The following PDE3A variants were observed in gnomAD, a reference collection of about 807,000 sequenced individuals.
PDE3A encodes cGMP-inhibited 3',5'-cyclic phosphodiesterase 3A.
In PDE3A, 43 loss-of-function variants were observed where a neutral mutation model predicts 98.3. The observed-to-expected ratio is 0.44, with a 90% CI of 0.34 to 0.56. The LOEUF is 0.56. Ranked by LOEUF, PDE3A falls within the 20% of genes least tolerant of loss-of-function variation. PDE3A has a pLI of 0.01. For missense variants in PDE3A, 1,427 were observed against 1,440.7 expected, an observed-to-expected ratio of 0.99 and a Z score of 0.15; for synonymous variants, 663 against 567.9, an observed-to-expected ratio of 1.17 and a Z score of -2.38.
At chr12:20,491,244 A>T (rs1156852236) in intron 1 of PDE3A, among the ~76,000 whole-genome samples, 3 of 152,200 alleles carry the variant, frequency 2.0e-5, no homozygotes, top group Non-Finnish European at 4.4e-5. Flanking sequence ...TGCAGGCTTT[A>T]TTGATGGCAT....
At chr12:20,565,867 C>G (rs905387869) in intron 2 of PDE3A, among the ~76,000 whole-genome samples, 1 of 151,846 alleles carries the variant, frequency 6.6e-6, no homozygotes, top group African/African-American at 2.4e-5. Flanking sequence ...TTTACAGCCA[C>G]TCTAGGGAAC....
chr12:20,490,873 G>T (rs1945814367), intron 1 of PDE3A, among the ~76,000 whole-genome samples: 1 of 152,074 alleles, frequency 6.6e-6, no homozygotes, highest in African/African-American at 2.4e-5. Flanking sequence ...TTATTTGGGA[G>T]GCCCAGGATC....
intron 1 of PDE3A, among the ~76,000 whole-genome samples, chr12:20,525,906 T>C (rs1417039612): frequency 2.0e-5 from 3 of 152,210 alleles, no homozygotes; most frequent in Non-Finnish European, 4.4e-5. Context: ...GAAAAATTTC[T>C]TACTTGGAGA....
intron 1 of PDE3A, among the ~76,000 whole-genome samples, chr12:20,431,131 T>G (rs1286898896): frequency 6.6e-6 from 1 of 152,172 alleles, no homozygotes; most frequent in Non-Finnish European, 1.5e-5. Context: ...AATATCAAGT[T>G]TACATATTTA....
At chr12:20,646,186 T>A (rs1216520236) in intron 10 of PDE3A, among the ~76,000 whole-genome samples, 1 of 152,178 alleles carries the variant, frequency 6.6e-6, no homozygotes, top group African/African-American at 2.4e-5. Context: ...AGAGTAAACA[T>A]TACACTTTTT....
intron 15 of PDE3A, among the ~76,000 whole-genome samples, chr12:20,656,538 T>G (rs1311743083): frequency 6.6e-6 from 1 of 152,256 alleles, no homozygotes; most frequent in East Asian, 1.9e-4. Flanking sequence ...AGACTTCCAT[T>G]AGAAAATTTG....
chr12:20,678,320 C>A (rs1294973716), intron 15 of PDE3A, among the ~76,000 whole-genome samples: 2 of 152,074 alleles, frequency 1.3e-5, no homozygotes, highest in Admixed American at 6.6e-5. Context: ...TGTAATTTCT[C>A]TGTTGAATTC....
At chr12:20,523,761 A>C (rs1018543905) in intron 1 of PDE3A, among the ~76,000 whole-genome samples, 4 of 152,232 alleles carry the variant, frequency 2.6e-5, no homozygotes, top group African/African-American at 9.6e-5. Context: ...GTAGGAATGT[A>C]TCACTTAAAG....
At chr12:20,612,340 T>C (rs1943879376) in intron 2 of PDE3A, among the ~76,000 whole-genome samples, 1 of 151,688 alleles carries the variant, frequency 6.6e-6, no homozygotes, top group Non-Finnish European at 1.5e-5. Context: ...TTAGAAGCTC[T>C]CTGTTTGGAT....
At chr12:20,665,542 G>A (rs10770690) in intron 15 of PDE3A, among the ~76,000 whole-genome samples, 103,215 of 151,958 alleles carry the variant, frequency 0.68, 35,277 homozygotes, top group East Asian at 0.79. Flanking sequence ...CAGACCCTAT[G>A]GTCTAGAAGA....
At chr12:20,532,927 C>T (rs555661019) in intron 1 of PDE3A, among the ~76,000 whole-genome samples, 4 of 152,140 alleles carry the variant, frequency 2.6e-5, no homozygotes, top group East Asian at 1.9e-4. Context: ...CCGCCCGCCT[C>T]GGCCTCCCAA....
chr12:20,377,665 C>T (rs1160928210), intron 1 of PDE3A, among the ~76,000 whole-genome samples: 3 of 151,684 alleles, frequency 2.0e-5, no homozygotes, highest in Non-Finnish European at 4.4e-5. Context: ...CATTTTTGTA[C>T]CACTCTAATA....
rs894843744 is a variant in PDE3A, at chr12:20,369,599, G to C, written c.315G>C (p.Pro105=). The change falls in exon 1 of 16, where the codon CCG becomes CCC. Residue 105 remains proline, a synonymous_variant. Coordinates refer to ENST00000359062, the MANE Select transcript of PDE3A (RefSeq NM_000921.5). ...AAAAEEEEAA[P]GAEGGVFPGP... is the part of the protein sequence containing the mutation. ...CGGCGGAGGAGGAGGAAGCAGCCCC[G>C]GGAGCAGAAGGGGGCGTCTTCCCGG... is the stretch of plus-strand genomic sequence containing the variant. 4 of 1,565,544 alleles carry C rather than the reference G, an allele frequency of 2.6e-6. No homozygotes were observed. Among genetic ancestry groups the C allele is most frequent in the Non-Finnish European group, 3.5e-6 (4 of 1,156,386 alleles).
At chr12:20,528,163 T>A (rs1385123303) in intron 1 of PDE3A, among the ~76,000 whole-genome samples, 1 of 152,222 alleles carries the variant, frequency 6.6e-6, no homozygotes, top group Non-Finnish European at 1.5e-5. Context: ...TGTTCTCAGT[T>A]GCTAAAAATT....
chr12:20,373,094 A>G (rs1212256149), intron 1 of PDE3A, among the ~76,000 whole-genome samples: 3 of 152,132 alleles, frequency 2.0e-5, no homozygotes, highest in Non-Finnish European at 2.9e-5. Flanking sequence ...CTGTGAATGC[A>G]AGTGGAAATA....
chr12:20,369,333 A>G lies in PDE3A; in HGVS notation c.49A>G (p.Ser17Gly). 9 of 1,548,008 alleles carry G rather than the reference A, an allele frequency of 5.8e-6. No individual in the cohort carries two copies. The highest frequency in any genetic ancestry group is 7.9e-6 in the Non-Finnish European group (9 of 1,145,910). ...AARVRDKPVH[S>G]GVSQAPTAGR... ...ACGAGTCAGGGACAAGCCCGTCCAC[A>G]GTGGGGTGAGTCAAGCCCCCACGGC... The change falls in exon 1 of 16, where the codon AGT becomes GGT. Residue 17 changes from serine (S) to glycine (G), a missense_variant. By Grantham distance (56) the Ser-to-Gly change is moderately conservative. Coordinates refer to ENST00000359062, the MANE Select transcript of PDE3A (RefSeq NM_000921.5).
intron 1 of PDE3A, among the ~76,000 whole-genome samples, chr12:20,448,878 AAG>A (rs1237703614): frequency 2.0e-5 from 3 of 151,360 alleles, no homozygotes; most frequent in Non-Finnish European, 4.4e-5. Context: ...ATTTTGAAAG[AAG>A]AGAGTTTACA....
intron 7 of PDE3A, 84 bp from the exon 8 acceptor site, chr12:20,634,818 A>G (rs935214320): frequency 2.4e-5 from 21 of 875,698 alleles, no homozygotes; most frequent in African/African-American, 1.0e-4. Context: ...TATATTTACC[A>G]TATGCATCTT....
chr12:20,460,581 T>C lies in PDE3A; in HGVS notation c.960+90337T>C, dbSNP rs538884290. The stretch of plus-strand genomic sequence containing the variant: ...TTTGGAATAATATGAAAGTTTTATA[T>C]GGTTATGGCATGGTAGAATTCACAT... On this transcript the variant is annotated intron_variant, in intron 1 of 15. Transcript: ENST00000359062. Among the ~76,000 whole-genome samples, 4 of 152,356 alleles carry C rather than the reference T, an allele frequency of 2.6e-5. No individual in the cohort carries two copies. The East Asian group carries it at 7.7e-4, about 29-fold the overall frequency.
Sources: allele counts gnomAD v4.1 joint callset (sites outside exome capture counted in the v4.1 genomes callset), GRCh38; gene constraint gnomAD v4.1.1; transcripts MANE v1.5; gene names NCBI Gene and HGNC (gene_info 2026-07-23, HGNC 2026-07-21).